Variants in LOC400499 observed in about 807,000 individuals in gnomAD.
the LOC400499 span, among the ~76,000 whole-genome samples, chr16:11,432,883 T>C: frequency 2.0e-5 from 3 of 152,206 alleles, no homozygotes; most frequent in African/African-American, 7.2e-5. Flanking sequence ...GAGCTCTAAA[T>C]AACACAGAGG....
At chr16:11,384,008 C>A in the LOC400499 span, 10 of 1,231,684 alleles carry the variant, frequency 8.1e-6, no homozygotes, top group African/African-American at 1.6e-4. Context: ...TCACCACCCA[C>A]CTGGCAGGAT....
At chr16:11,519,927 T>A in the LOC400499 span, among the ~76,000 whole-genome samples, 1,107 of 152,156 alleles carry the variant, frequency 7.3e-3, 7 homozygotes, top group African/African-American at 0.024. Context: ...GGTCTCGAAC[T>A]CCAGACCTCA....
chr16:11,378,501 T>C, the LOC400499 span, among the ~76,000 whole-genome samples: 7 of 152,314 alleles, frequency 4.6e-5, no homozygotes, highest in East Asian at 9.6e-4. Context: ...TGACCTCAGA[T>C]GATTTGCCCA....
chr16:11,378,914 T>C, the LOC400499 span, among the ~76,000 whole-genome samples: 2 of 152,244 alleles, frequency 1.3e-5, no homozygotes, highest in African/African-American at 4.8e-5. Context: ...ATAGTATTGT[T>C]CAAGTACTTT....
chr16:11,446,485 G>T, the LOC400499 span: 1 of 1,418,406 alleles, frequency 7.1e-7, no homozygotes, highest in Non-Finnish European at 9.6e-7. Flanking sequence ...ATCCTATTGA[G>T]CGATGACAGC....
chr16:11,436,899 A>T, the LOC400499 span, among the ~76,000 whole-genome samples: 1 of 152,108 alleles, frequency 6.6e-6, no homozygotes, highest in African/African-American at 2.4e-5. Context: ...TGGCCTGGAA[A>T]GGTTTTAAAA....
chr16:11,452,425 G>C, the LOC400499 span, among the ~76,000 whole-genome samples: 2 of 152,152 alleles, frequency 1.3e-5, no homozygotes, highest in African/African-American at 4.8e-5. Context: ...CTGGAGGAAA[G>C]GCAGGAAACA....
the LOC400499 span, among the ~76,000 whole-genome samples, chr16:11,383,042 G>T: frequency 2.0e-5 from 3 of 151,022 alleles, no homozygotes; most frequent in African/African-American, 7.4e-5. Flanking sequence ...GGCAGGAGGA[G>T]AGAGTACAAA....
the LOC400499 span, among the ~76,000 whole-genome samples, chr16:11,471,116 G>A: frequency 6.6e-5 from 10 of 152,182 alleles, no homozygotes; most frequent in African/African-American, 9.7e-5. Context: ...GAAGGGACAC[G>A]ATCCAGCTGG....
the LOC400499 span, chr16:11,448,196 G>T: frequency 8.1e-7 from 1 of 1,241,864 alleles, no homozygotes; most frequent in Non-Finnish European, 1.1e-6. Flanking sequence ...ATGACTATCC[G>T]AGAATGGCTA....
At chr16:11,373,877 C>G in the LOC400499 span, among the ~76,000 whole-genome samples, 4 of 152,302 alleles carry the variant, frequency 2.6e-5, no homozygotes, top group East Asian at 7.7e-4. Flanking sequence ...GCCTCGGCCT[C>G]CCAAAGTGCT....
the LOC400499 span, among the ~76,000 whole-genome samples, chr16:11,520,441 G>C: frequency 6.6e-6 from 1 of 152,172 alleles, no homozygotes; most frequent in African/African-American, 2.4e-5. Flanking sequence ...CAGATCACTT[G>C]AGGTCAGGAG....
chr16:11,521,093 C>G, the LOC400499 span, among the ~76,000 whole-genome samples: 1 of 152,320 alleles, frequency 6.6e-6, no homozygotes. Flanking sequence ...AAAGCAGCAT[C>G]TCTGACATAT....
the LOC400499 span, among the ~76,000 whole-genome samples, chr16:11,499,311 A>G: frequency 1.9e-4 from 4 of 21,378 alleles, no homozygotes; most frequent in Non-Finnish European, 2.5e-4. Context: ...GGGAGGGGGG[A>G]AGGGAGGGAG....
At chr16:11,461,024 G>C in the LOC400499 span, 1 of 1,536,012 alleles carries the variant, frequency 6.5e-7, no homozygotes, top group African/African-American at 1.4e-5. Flanking sequence ...TGCTGCAGCA[G>C]GCCAAGGGCA....
the LOC400499 span, among the ~76,000 whole-genome samples, chr16:11,495,598 G>A: frequency 6.6e-6 from 1 of 151,976 alleles, no homozygotes; most frequent in South Asian, 2.1e-4. Context: ...CAGGCTGGTG[G>A]TGAACCCCTG....
the LOC400499 span, among the ~76,000 whole-genome samples, chr16:11,397,657 G>C: frequency 3.3e-5 from 5 of 151,884 alleles, no homozygotes; most frequent in African/African-American, 1.2e-4. Context: ...GGTAAAGTTG[G>C]TTGTTGGAAC....
chr16:11,503,333 C>T, the LOC400499 span, among the ~76,000 whole-genome samples: 2 of 152,188 alleles, frequency 1.3e-5, no homozygotes, highest in African/African-American at 4.8e-5. Context: ...GGACTCTACT[C>T]AGAGAACAGC....
chr16:11,378,516 G>A, the LOC400499 span, among the ~76,000 whole-genome samples: 23 of 152,194 alleles, frequency 1.5e-4, no homozygotes, highest in African/African-American at 5.1e-4. Flanking sequence ...TGCCCACCTC[G>A]GCCTCCCAAA....
Sources: gnomAD v4.1 joint callset for allele counts (sites outside exome capture counted in the v4.1 genomes callset) on GRCh38, gnomAD v4.1.1 for gene constraint, MANE v1.5 for transcripts.